Variants in OXR1 observed in about 807,000 individuals in gnomAD.
The protein encoded by OXR1 is oxidation resistance protein 1.
Under a neutral mutation model 104.6 loss-of-function variants are expected in OXR1, and 41 were observed. The observed-to-expected ratio is 0.39, with a 90% CI of 0.31 to 0.51. The LOEUF (loss-of-function observed/expected upper bound fraction) is 0.51. OXR1 is among the 20% of genes least tolerant of loss of function. The pLI is 0.77. For missense variants in OXR1, 955 were observed against 1,031.9 expected, an observed-to-expected ratio of 0.93 and a Z score of 1.02; for synonymous variants, 348 against 348.4, an observed-to-expected ratio of 1.00 and a Z score of 0.01.
intron 3 of OXR1, among the ~76,000 whole-genome samples, chr8:106,572,293 A>G (rs1333370826): frequency 6.6e-6 from 1 of 152,162 alleles, no homozygotes; most frequent in Non-Finnish European, 1.5e-5. Context: ...CTATGGTATA[A>G]TCTGATCTAT....
intron 8 of OXR1, among the ~76,000 whole-genome samples, chr8:106,704,702 C>A (rs893586804): frequency 6.6e-6 from 1 of 151,958 alleles, no homozygotes; most frequent in Non-Finnish European, 1.5e-5. Flanking sequence ...CTGGCTTTGT[C>A]CTTTTCCATT....
At chr8:106,724,524 A>G (rs1417462710) in intron 11 of OXR1, among the ~76,000 whole-genome samples, 1 of 152,188 alleles carries the variant, frequency 6.6e-6, no homozygotes, top group East Asian at 1.9e-4. Flanking sequence ...CTCGAAGTGT[A>G]GTTCCCAGAC....
intron 2 of OXR1, among the ~76,000 whole-genome samples, chr8:106,426,519 G>A (rs1819127952): frequency 6.6e-6 from 1 of 152,264 alleles, no homozygotes; most frequent in African/African-American, 2.4e-5. Context: ...GAATGAAAGT[G>A]ATATTTTTCC....
chr8:106,316,717 CATCTATCTATCTATCTATCT>C (rs71307053), intron 1 of OXR1, among the ~76,000 whole-genome samples: 21 of 118,678 alleles, frequency 1.8e-4, no homozygotes, highest in East Asian at 4.6e-4. Context: ...ATCTATCTAT[CATCTATCTATCTATCTATCT>C]ATCTATCTAT....
chr8:106,427,884 A>G (rs915626874), intron 2 of OXR1, among the ~76,000 whole-genome samples: 2 of 152,200 alleles, frequency 1.3e-5, no homozygotes, highest in South Asian at 2.1e-4. Context: ...AGTGATGAAA[A>G]TATTAGCATC....
chr8:106,280,460 T>A (rs530318663), intron 1 of OXR1, among the ~76,000 whole-genome samples: 1 of 152,286 alleles, frequency 6.6e-6, no homozygotes, highest in African/African-American at 2.4e-5. Flanking sequence ...TTTGTTGGTT[T>A]ATAGACTCAT....
intron 3 of OXR1, among the ~76,000 whole-genome samples, chr8:106,566,993 A>C (rs575775994): frequency 6.6e-6 from 1 of 152,164 alleles, no homozygotes; most frequent in Non-Finnish European, 1.5e-5. Context: ...GAGGGACAGC[A>C]TTAGGAGAAG....
chr8:106,321,590 G>C (rs1814220336), intron 1 of OXR1, among the ~76,000 whole-genome samples: 1 of 152,214 alleles, frequency 6.6e-6, no homozygotes, highest in African/African-American at 2.4e-5. Context: ...TGAGCAGTGA[G>C]AAGTAAGAGC....
intron 9 of OXR1, among the ~76,000 whole-genome samples, chr8:106,709,964 A>G (rs967459821): frequency 8.5e-5 from 13 of 152,076 alleles, no homozygotes; most frequent in Non-Finnish European, 1.5e-5. Flanking sequence ...TCCTGACTAT[A>G]AGTGCTATTT....
At chr8:106,528,678 C>T (rs142227681) in intron 3 of OXR1, among the ~76,000 whole-genome samples, 1,640 of 152,166 alleles carry the variant, frequency 0.011, 29 homozygotes, top group African/African-American at 0.037. Flanking sequence ...AAAAAGATAA[C>T]CCTAAAGTAA....
chr8:106,694,974 TA>T (rs1829851882), intron 7 of OXR1, among the ~76,000 whole-genome samples: 1 of 89,128 alleles, frequency 1.1e-5, no homozygotes. Context: ...ACATGTATAT[TA>T]TAATATATAT....
intron 2 of OXR1, among the ~76,000 whole-genome samples, chr8:106,454,306 A>G (rs1820480097): frequency 6.6e-6 from 1 of 151,942 alleles, no homozygotes; most frequent in East Asian, 1.9e-4. Flanking sequence ...ACTAAAATAC[A>G]AAAAATTAGC....
chr8:106,690,356 TAGTA>T (rs1461044758), intron 6 of OXR1, among the ~76,000 whole-genome samples: 3 of 151,020 alleles, frequency 2.0e-5, no homozygotes, highest in East Asian at 1.9e-4. Flanking sequence ...AATAACAACT[TAGTA>T]AGGAATTGTT....
chr8:106,280,284 T>G (rs2130492146), intron 1 of OXR1, among the ~76,000 whole-genome samples: 1 of 152,330 alleles, frequency 6.6e-6, no homozygotes, highest in South Asian at 2.1e-4. Flanking sequence ...CATAACAAAC[T>G]ACCACAAACT....
rs1476037724 is a variant in OXR1, at chr8:106,684,249, C to A, written c.415C>A (p.Leu139Met). The A allele has an allele frequency of 2.0e-6, 3 of 1,524,522 alleles. No individual in the cohort carries two copies. The highest frequency in any genetic ancestry group is 2.7e-6 in the Non-Finnish European group (3 of 1,100,592). 94.4% of individuals were successfully genotyped at this position (1,524,522 alleles called of 1,614,324 possible). A position where few individuals can be genotyped will look rare whatever the true frequency, so the allele number is the denominator to read the frequency against. Reference protein sequence around the residue: ...FSRAVVTGQVLYVPDPEYVSS... With the variant: ...FSRAVVTGQVMYVPDPEYVSS... The stretch of plus-strand genomic sequence containing the variant: ...TTGTGTGAATGTTTTCTTACAGGTT[C>A]TGTATGTTCCTGATCCTGAATATGT... The change falls in exon 6 of 17, where the codon CTG becomes ATG. Residue 139 changes from leucine (L) to methionine (M), a missense_variant. By Grantham distance (15) the Leu-to-Met change is conservative. Coordinates refer to ENST00000517566, the MANE Select transcript of OXR1 (RefSeq NM_001198533.2).
At chr8:106,434,492 G>A (rs1819494693) in intron 2 of OXR1, among the ~76,000 whole-genome samples, 1 of 152,160 alleles carries the variant, frequency 6.6e-6, no homozygotes, top group African/African-American at 2.4e-5. Context: ...TATGTGCTCT[G>A]AAGAAGCATA....
intron 2 of OXR1, among the ~76,000 whole-genome samples, chr8:106,405,243 A>ATT (rs1554634715): frequency 5.7e-5 from 6 of 104,632 alleles, no homozygotes; most frequent in Non-Finnish European, 9.3e-5. Context: ...GTGTGTGTAT[A>ATT]GGCTCATGTG....
intron 1 of OXR1, among the ~76,000 whole-genome samples, chr8:106,295,230 T>C (rs1471757859): frequency 6.6e-6 from 1 of 152,180 alleles, no homozygotes; most frequent in Admixed American, 6.5e-5. Flanking sequence ...GTAAATGATA[T>C]CAGTTGCAAC....
chr8:106,404,288 T>C (rs978176871), intron 2 of OXR1, among the ~76,000 whole-genome samples: 1 of 152,144 alleles, frequency 6.6e-6, no homozygotes, highest in Non-Finnish European at 1.5e-5. Flanking sequence ...TAAAGAAGAC[T>C]TACCAGAATG....
Sources: gnomAD v4.1 joint callset for allele counts (sites outside exome capture counted in the v4.1 genomes callset) on GRCh38, gnomAD v4.1.1 for gene constraint, MANE v1.5 for transcripts, NCBI Gene and HGNC (gene_info 2026-07-23, HGNC 2026-07-21) for gene names.